COL12A1: variants seen among roughly 807,000 people sequenced by gnomAD.
COL12A1 encodes collagen alpha-1(XII) chain.
Under a neutral mutation model 349.7 loss-of-function variants are expected in COL12A1, and 114 were observed. The observed-to-expected ratio is 0.33, with a 90% CI of 0.28 to 0.38. The LOEUF is 0.38. COL12A1 is among the 10% of genes least tolerant of loss of function. COL12A1 has a pLI of 1.00. For synonymous variants in COL12A1, 1,369 were observed against 1,329.0 expected (o/e 1.03, Z -0.66); for missense variants, 3,284 against 3,756.9 (o/e 0.87, Z 3.29).
At chr6:75,097,053 A>T (rs1467314619) in intron 59 of COL12A1, among the ~76,000 whole-genome samples, 200 bp downstream of exon 59, 1 of 152,126 alleles carries the variant, frequency 6.6e-6, no homozygotes, top group Non-Finnish European at 1.5e-5. Flanking sequence ...CTCAAGTGTA[A>T]CTTGATTAAA....
At chr6:75,199,301 G>A (rs1489120663) in intron 2 of COL12A1, among the ~76,000 whole-genome samples, 1 of 152,154 alleles carries the variant, frequency 6.6e-6, no homozygotes. Context: ...TGGAAAACGA[G>A]AGAAGTAGAA....
intron 2 of COL12A1, among the ~76,000 whole-genome samples, chr6:75,195,788 C>T (rs972014492): frequency 2.6e-5 from 4 of 152,034 alleles, no homozygotes; most frequent in Admixed American, 2.0e-4. Flanking sequence ...ATTAAAATGC[C>T]AGTATGGTCC....
At chr6:75,134,949 G>A in intron 31 of COL12A1, 94 bp from the exon 32 acceptor site, 1 of 1,357,348 alleles carries the variant, frequency 7.4e-7, no homozygotes, top group Non-Finnish European at 9.9e-7. Flanking sequence ...AGCTGTTTGA[G>A]ACCCTTGTCA....
Position 75,156,555 on chromosome 6 carries a change from C to T in COL12A1, c.2984-32G>A, listed in dbSNP as rs747149251. The T allele has an allele frequency of 3.8e-6, 6 of 1,597,428 alleles. No homozygotes were observed. The African/African-American group carries it at 8.1e-5, about 22-fold the overall frequency. On this transcript the variant is annotated intron_variant, in intron 14 of 65. Transcript: ENST00000322507. ...GATAAAAGGAAGATTAAACTGTATACCATGTTGAAAAAAAATGTATGTCCA... is the reference window on the plus strand; with the variant it reads ...GATAAAAGGAAGATTAAACTGTATATCATGTTGAAAAAAAATGTATGTCCA...
At chr6:75,091,453 A>G in intron 61 of COL12A1, 37 bp downstream of exon 61, 4 of 1,612,662 alleles carry the variant, frequency 2.5e-6, no homozygotes, top group Non-Finnish European at 3.4e-6. Context: ...AATGTTTAAC[A>G]CACAAAATAA....
Position 75,177,667 on chromosome 6 carries a change from T to C in COL12A1, c.2433A>G (p.Glu811=). The C allele has an allele frequency of 6.8e-6, 11 of 1,614,156 alleles. No individual in the cohort carries two copies. Among genetic ancestry groups the C allele is most frequent in the Non-Finnish European group, 8.5e-6 (10 of 1,180,016 alleles). The change falls in exon 12 of 66, where the codon GAA becomes GAG. Residue 811 remains glutamate (E), a synonymous_variant. Transcript: ENST00000322507. ...TGATAAGCATATTTCCTCTACCTTC[T>C]TCAGTGGCTGCATTTCCAGTTAATG... ...GTPLTGNAAT[E]EVRGNPRDLR... is the part of the protein sequence containing the mutation.
rs1239989621 is a variant in COL12A1 at position 75,183,085 on chromosome 6, C to T, written c.1856G>A (p.Arg619Lys). 1 of 1,613,456 alleles carries T rather than the reference C, an allele frequency of 6.2e-7. No individual in the cohort carries two copies. Among genetic ancestry groups the T allele is most frequent in the Admixed American group, 1.7e-5 (1 of 59,878 alleles). ...TATAGCTGCCAATTCTTGCTCAATTCTAAGGCAGATAGACTGTGTGAGTTC... is the reference window on the plus strand; with the variant it reads ...TATAGCTGCCAATTCTTGCTCAATTTTAAGGCAGATAGACTGTGTGAGTTC... ...SFELTQSICLRIEQELAAIKK... is the reference protein window; with the variant it reads ...SFELTQSICLKIEQELAAIKK... The change falls in exon 10 of 66, where the codon AGA becomes AAA. Residue 619 changes from arginine to lysine, a missense_variant. Physicochemically the swap from Arg to Lys is conservative, Grantham distance 26. This residue lies in a region of COL12A1 where 2,601 missense variants were observed against 2,824.8 expected (regional missense o/e 0.92). Coordinates refer to ENST00000322507, the MANE Select transcript of COL12A1 (RefSeq NM_004370.6).
At chr6:75,139,461 T>C (rs908831474) in intron 27 of COL12A1, among the ~76,000 whole-genome samples, 2 of 152,252 alleles carry the variant, frequency 1.3e-5, no homozygotes, top group Non-Finnish European at 2.9e-5. Flanking sequence ...GTTCATAATT[T>C]GTTGTTCTGA....
intron 31 of COL12A1, among the ~76,000 whole-genome samples, chr6:75,136,885 T>G (rs1766635275): frequency 6.6e-6 from 1 of 152,124 alleles, no homozygotes. Flanking sequence ...AGACTGAGTT[T>G]CGAGTCCTAC....
chr6:75,101,751 A>T, intron 57 of COL12A1, 98 bp from the exon 58 acceptor site: 2 of 1,343,914 alleles, frequency 1.5e-6, no homozygotes, highest in Non-Finnish European at 2.1e-6. Context: ...AATTCCAGAG[A>T]CTCTGAATAG....
chr6:75,133,553 G>T (rs1224816358), intron 33 of COL12A1, 131 bp from the exon 34 acceptor site: 3 of 910,364 alleles, frequency 3.3e-6, no homozygotes, highest in African/African-American at 3.4e-5. Context: ...GTCATAATAA[G>T]CCCCCACATG....
Position 75,184,151 on chromosome 6 carries a change from A to C in COL12A1, c.998-7T>G, listed in dbSNP as rs759546099. The C allele has an allele frequency of 1.9e-6, 3 of 1,611,796 alleles. No homozygotes were observed. In the South Asian group the frequency reaches 3.3e-5, roughly 18 times the overall value. On this transcript the variant is annotated splice_polypyrimidine_tract_variant and splice_region_variant and intron_variant, in intron 8 of 65. Coordinates refer to ENST00000322507, the MANE Select transcript of COL12A1 (RefSeq NM_004370.6). ...TTTGAAGGAGGCTCAACAACTAAAA[A>C]GTTACAAGCAGACAGTGATTAATAA... is the stretch of plus-strand genomic sequence containing the variant.
Position 75,099,733 on chromosome 6 carries a change from G to A in COL12A1, c.8523+1867C>T, listed in dbSNP as rs369659510. ...CCATTTTCATAGATACACATGTACAGATACCTGTATATGTGGTTCTTTTTT... is the reference window on the plus strand; with the variant it reads ...CCATTTTCATAGATACACATGTACAAATACCTGTATATGTGGTTCTTTTTT... On this transcript the variant is annotated intron_variant, in intron 58 of 65. Coordinates refer to ENST00000322507, the MANE Select transcript of COL12A1 (RefSeq NM_004370.6). 3.9e-5 allele frequency among the ~76,000 whole-genome samples: 6 copies of A among 152,310 alleles called. No homozygotes were observed. The East Asian group carries it at 1.2e-3, about 29-fold the overall frequency.
chr6:75,136,756 T>C (rs1766626774), intron 31 of COL12A1, among the ~76,000 whole-genome samples: 1 of 152,142 alleles, frequency 6.6e-6, no homozygotes, highest in South Asian at 2.1e-4. Context: ...CAGTTCTAAT[T>C]ACATAGTTCA....
intron 32 of COL12A1, 38 bp downstream of exon 32, chr6:75,134,688 G>A: frequency 6.6e-7 from 1 of 1,522,346 alleles, no homozygotes; most frequent in Non-Finnish European, 8.9e-7. Context: ...TCTAATAGTA[G>A]CTATTAAAGA....
At chr6:75,109,844 G>T (rs187157997) in intron 51 of COL12A1, among the ~76,000 whole-genome samples, 178 of 152,122 alleles carry the variant, frequency 1.2e-3, no homozygotes, top group African/African-American at 3.9e-3. Context: ...GTAAAGAATG[G>T]TCCTGGGTAA....
chr6:75,131,814 A>T (rs1161350094), intron 35 of COL12A1, 126 bp downstream of exon 35: 1 of 1,087,024 alleles, frequency 9.2e-7, no homozygotes, highest in African/African-American at 1.6e-5. Context: ...CAAGTCATCA[A>T]AAACAATAAT....
intron 60 of COL12A1, 151 bp from the exon 61 acceptor site, chr6:75,091,676 G>A (rs1767774025): frequency 5.5e-6 from 4 of 725,882 alleles, no homozygotes; most frequent in Non-Finnish European, 6.8e-6. Context: ...CTCACATTCT[G>A]CTTTTCTATA....
chr6:75,145,206 G>C, intron 25 of COL12A1, 120 bp downstream of exon 25: 1 of 1,028,342 alleles, frequency 9.7e-7, no homozygotes, highest in Non-Finnish European at 1.3e-6. Flanking sequence ...ATTGTCAAAA[G>C]TAATAACTGT....
Sources: gnomAD v4.1 joint callset for allele counts (sites outside exome capture counted in the v4.1 genomes callset) on GRCh38, gnomAD v4.1.1 for gene constraint, gnomAD v4.1.1 regional missense constraint, MANE v1.5 for transcripts, NCBI Gene and HGNC (gene_info 2026-07-23, HGNC 2026-07-21) for gene names.